Variants in SCAI observed in about 807,000 individuals in gnomAD.
The protein encoded by SCAI is protein SCAI.
In SCAI, 24 loss-of-function variants were observed where a neutral mutation model predicts 92.2. The observed-to-expected ratio is 0.26, with a 90% confidence interval of 0.19 to 0.37. SCAI has a LOEUF of 0.37. SCAI is among the 10% of genes least tolerant of loss of function. The pLI is 1.00. For synonymous variants in SCAI, 261 were observed against 258.6 expected (o/e 1.01, Z -0.09); for missense variants, 450 against 736.2 (o/e 0.61, Z 4.50).
chr9:124,970,806 TCTA>T (rs943255566), intron 17 of SCAI, among the ~76,000 whole-genome samples: 3 of 152,024 alleles, frequency 2.0e-5, no homozygotes, highest in African/African-American at 4.8e-5. Flanking sequence ...TTGAAAATGT[TCTA>T]CTTTTATTTT....
intron 2 of SCAI, among the ~76,000 whole-genome samples, chr9:125,133,663 C>T (rs987413869): frequency 1.3e-5 from 2 of 151,874 alleles, no homozygotes; most frequent in African/African-American, 4.8e-5. Flanking sequence ...ACATGTATTT[C>T]AAAACTTATC....
intron 2 of SCAI, among the ~76,000 whole-genome samples, chr9:125,093,325 C>A (rs1834478213): frequency 1.3e-5 from 2 of 152,094 alleles, no homozygotes; most frequent in Admixed American, 1.3e-4. Flanking sequence ...CATGCCACTG[C>A]ACTCCAGCCT....
chr9:125,064,464 G>A (rs1203216812), intron 2 of SCAI, among the ~76,000 whole-genome samples: 1 of 151,974 alleles, frequency 6.6e-6, no homozygotes, highest in African/African-American at 2.4e-5. Context: ...TATAAACCAA[G>A]TCCCTAGATG....
At position 124,944,300 on chromosome 9, in the gene SCAI, CTTTTTTT is replaced by C; in HGVS notation, c.*8500_*8506del. 7.3e-6 allele frequency: 1 copy of C among 136,462 alleles called. No individual in the cohort carries two copies. Among genetic ancestry groups the C allele is most frequent in the East Asian group, 2.1e-4 (1 of 4,812 alleles). The allele number at this position is 136,462 out of a possible 1,614,324, so 8.5% of individuals were successfully genotyped here. ...CTTCAGGAAATAGTAATAAAAATTC[CTTTTTTT>C]TTTTTTTTTGAGAATGAGTCTTGCT... is the stretch of plus-strand genomic sequence containing the variant. On this transcript the variant is annotated 3_prime_UTR_variant, in exon 18 of 18. Transcript: ENST00000336505.
At chr9:124,974,442 C>T (rs1292439781) in intron 15 of SCAI, among the ~76,000 whole-genome samples, 1 of 131,650 alleles carries the variant, frequency 7.6e-6, no homozygotes, top group African/African-American at 2.8e-5. Context: ...AGTGAGACCC[C>T]ATCTCAAAAA....
rs1225840370 is a variant in SCAI at position 124,943,913 on chromosome 9, G to A, written c.*8894C>T. 1 of 152,182 alleles carries A rather than the reference G, an allele frequency of 6.6e-6. No homozygotes were observed. The highest frequency in any genetic ancestry group is 1.9e-4 in the East Asian group (1 of 5,202). 9.4% of individuals were successfully genotyped at this position (152,182 alleles called of 1,614,324 possible). A position where few individuals can be genotyped will look rare whatever the true frequency, so the allele number is the denominator to read the frequency against. ...TTATAACTGCTTCATCTGATTCAAT[G>A]ATTAATGAAATCACTATTTATACTG... On this transcript the variant is annotated 3_prime_UTR_variant, in exon 18 of 18. Coordinates refer to ENST00000336505, the MANE Select transcript of SCAI (RefSeq NM_001144877.3).
chr9:125,024,233 G>C (rs934433437), intron 6 of SCAI, among the ~76,000 whole-genome samples: 1 of 150,518 alleles, frequency 6.6e-6, no homozygotes, highest in East Asian at 2.0e-4. Context: ...ATCAAGTTTT[G>C]TCCAGTGGGA....
chr9:125,070,739 T>C (rs1833965749), intron 2 of SCAI, among the ~76,000 whole-genome samples: 1 of 152,098 alleles, frequency 6.6e-6, no homozygotes, highest in Non-Finnish European at 1.5e-5. Context: ...TTACTGAAGT[T>C]AAATTACAAG....
At chr9:125,057,823 G>A (rs964828585) in intron 2 of SCAI, among the ~76,000 whole-genome samples, 1 of 152,258 alleles carries the variant, frequency 6.6e-6, no homozygotes, top group Non-Finnish European at 1.5e-5. Context: ...GGCAGATGCA[G>A]TGGCTCACGC....
intron 2 of SCAI, among the ~76,000 whole-genome samples, chr9:125,097,116 G>A (rs1181447189): frequency 2.6e-5 from 4 of 152,106 alleles, no homozygotes; most frequent in African/African-American, 7.2e-5. Flanking sequence ...ATACCAAAAA[G>A]AAACAATGCA....
At chr9:125,098,577 G>A (rs1834612511) in intron 2 of SCAI, among the ~76,000 whole-genome samples, 2 of 152,014 alleles carry the variant, frequency 1.3e-5, no homozygotes, top group Non-Finnish European at 1.5e-5. Context: ...GTTACATATC[G>A]AACATTTTGG....
Position 125,091,402 on chromosome 9 carries a change from T to G in SCAI, c.99-35395A>C, listed in dbSNP as rs572897312. On this transcript the variant is annotated intron_variant, in intron 2 of 17. Transcript: ENST00000336505. This position sits in a 1 kb window ranked among gnomAD's most constrained non-coding sequence, Gnocchi z 4.3. The stretch of plus-strand genomic sequence containing the variant: ...CAACCAAGAACCTTTCCTGGAACAA[T>G]GCCGTTTCTTTTTTGCTTTTTTAAT... 2.6e-5 allele frequency among the ~76,000 whole-genome samples: 4 copies of G among 151,906 alleles called. No individual in the cohort carries two copies. The East Asian group carries it at 7.7e-4, about 29-fold the overall frequency.
chr9:125,070,524 G>T (rs546157483), intron 2 of SCAI, among the ~76,000 whole-genome samples: 1 of 150,448 alleles, frequency 6.6e-6, no homozygotes, highest in Non-Finnish European at 1.5e-5. Flanking sequence ...CTCAGCCTCC[G>T]AGTAGCTGGG....
rs144802628 is a variant in SCAI at position 125,018,955 on chromosome 9, A to C, written c.709-4T>G. The C allele has an allele frequency of 5.0e-6, 8 of 1,611,166 alleles. No individual in the cohort carries two copies. The highest frequency in any genetic ancestry group is 6.8e-6 in the Non-Finnish European group (8 of 1,179,236). ...TTAATACCATTACAGGATCCGCCTA[A>C]AGAAAAAAGCAATAAGAACTTAACG... On this transcript the variant is annotated splice_region_variant and splice_polypyrimidine_tract_variant and intron_variant, in intron 8 of 17. Coordinates refer to ENST00000336505, the MANE Select transcript of SCAI (RefSeq NM_001144877.3).
Position 125,002,947 on chromosome 9 carries a change from A to G in SCAI, c.1065+167T>C, listed in dbSNP as rs1272645755. Among the ~76,000 whole-genome samples the G allele has an allele frequency of 2.6e-5, 4 of 151,196 alleles. No homozygotes were observed. The East Asian group carries it at 7.7e-4, about 29-fold the overall frequency. ...ACCAGGAGTACAAAAAAAAAAAAAG[A>G]AACAAAACAAAACAAAAATATCTAT... On this transcript the variant is annotated intron_variant, in intron 11 of 17. Coordinates refer to ENST00000336505, the MANE Select transcript of SCAI (RefSeq NM_001144877.3).
intron 2 of SCAI, among the ~76,000 whole-genome samples, chr9:125,110,233 C>T (rs1834904312): frequency 6.6e-6 from 1 of 152,190 alleles, no homozygotes; most frequent in Non-Finnish European, 1.5e-5. Flanking sequence ...TAGAAAAACA[C>T]AGCTGACCAA....
chr9:125,122,172 C>A (rs1835168137), intron 2 of SCAI, among the ~76,000 whole-genome samples: 1 of 152,212 alleles, frequency 6.6e-6, no homozygotes, highest in Non-Finnish European at 1.5e-5. Context: ...AATGTGATTA[C>A]ACTAGGATTT....
chr9:125,016,917 G>A (rs1283050572), intron 9 of SCAI, among the ~76,000 whole-genome samples: 3 of 152,106 alleles, frequency 2.0e-5, no homozygotes, highest in East Asian at 1.9e-4. Context: ...TCTGGAACAG[G>A]GGCGTCTGGC....
intron 17 of SCAI, among the ~76,000 whole-genome samples, chr9:124,967,654 T>C (rs1049656637): frequency 2.0e-5 from 3 of 149,818 alleles, no homozygotes; most frequent in African/African-American, 7.5e-5. Context: ...GAAAAAATAA[T>C]AAAAAAATAC....
Sources: gnomAD v4.1 joint callset for allele counts (sites outside exome capture counted in the v4.1 genomes callset) on GRCh38, gnomAD v4.1.1 for gene constraint, Gnocchi (gnomAD v3.1) non-coding constraint, MANE v1.5 for transcripts, NCBI Gene and HGNC (gene_info 2026-07-23, HGNC 2026-07-21) for gene names.